CECR2: variants seen among roughly 807,000 people sequenced by gnomAD.
CECR2 encodes chromatin remodeling regulator CECR2.
In CECR2, 30 loss-of-function variants were observed where a neutral mutation model predicts 154.5. That is an observed-to-expected ratio of 0.19 (90% CI 0.15 to 0.26). CECR2 has a LOEUF of 0.26. Ranked by LOEUF, CECR2 falls within the 10% of genes least tolerant of loss-of-function variation. The probability of loss-of-function intolerance (pLI) is 1.00; values close to 1 mark genes in which losing one functional copy is unlikely to be tolerated. For missense variants in CECR2, 1,743 were observed against 1,829.3 expected (o/e 0.95, Z 0.86); for synonymous variants, 725 against 683.7 (o/e 1.06, Z -0.94).
intron 18 of CECR2, 118 bp from the exon 19 acceptor site, chr22:17,552,717 A>G (rs891869224): frequency 1.5e-5 from 15 of 981,494 alleles, no homozygotes; most frequent in Non-Finnish European, 2.2e-5. Flanking sequence ...TAACTGATGA[A>G]ACAGAATCAA....
intron 16 of CECR2, among the ~76,000 whole-genome samples, chr22:17,546,230 G>A (rs903445346): frequency 3.3e-5 from 5 of 152,160 alleles, no homozygotes; most frequent in Non-Finnish European, 7.4e-5. Flanking sequence ...GCTCACGCCT[G>A]TAATCCCAGC....
In CECR2 at chr22:17,439,387, G is replaced by A. The variant is rs116224715; in HGVS notation, c.127-38201G>A. On this transcript the variant is annotated intron_variant, in intron 1 of 18. Coordinates refer to ENST00000262608, the MANE Select transcript of CECR2 (RefSeq NM_001290047.2). ...TAGCTTACTAACCTCCTGTTCTAAG[G>A]CATAAAAAAACATGGACAAGCAACA... Among the ~76,000 whole-genome samples, 543 of 151,738 alleles carry A rather than the reference G, an allele frequency of 3.6e-3. 8 individuals are homozygous for A. The highest frequency in any genetic ancestry group is 0.013 in the African/African-American group (528 of 41,396).
At chr22:17,409,414 G>A (rs1306847122) in intron 1 of CECR2, among the ~76,000 whole-genome samples, 1 of 109,668 alleles carries the variant, frequency 9.1e-6, no homozygotes, top group African/African-American at 3.0e-5. Flanking sequence ...TGTATTTTTA[G>A]TAGAGATGGG....
intron 1 of CECR2, chr22:17,360,149 T>C (rs573710507): frequency 6.6e-6 from 1 of 152,176 alleles, no homozygotes; most frequent in Admixed American, 6.5e-5. Context: ...AGAAACTAAG[T>C]GGAAATAGAA....
At chr22:17,454,793 C>T (rs1216330204) in intron 1 of CECR2, among the ~76,000 whole-genome samples, 1 of 152,168 alleles carries the variant, frequency 6.6e-6, no homozygotes, top group Non-Finnish European at 1.5e-5. Flanking sequence ...GCATACCAAT[C>T]TGACCATTTC....
rs191208009 is a variant in CECR2, at chr22:17,453,503, G to A, written c.127-24085G>A. Among the ~76,000 whole-genome samples the A allele has an allele frequency of 2.0e-5, 3 of 152,254 alleles. No individual in the cohort carries two copies. The East Asian group carries it at 5.8e-4, about 29-fold the overall frequency. On this transcript the variant is annotated intron_variant, in intron 1 of 18. Coordinates refer to ENST00000262608, the MANE Select transcript of CECR2 (RefSeq NM_001290047.2). Reference sequence around the variant, plus strand: ...GTATGTGGATTTGAAAAATTAATAAGTGTTGCCAACTTACCTTAGGGTTTA... The same window carrying A: ...GTATGTGGATTTGAAAAATTAATAAATGTTGCCAACTTACCTTAGGGTTTA...
At chr22:17,437,784 T>C (rs564969335) in intron 1 of CECR2, among the ~76,000 whole-genome samples, 20 of 152,308 alleles carry the variant, frequency 1.3e-4, no homozygotes, top group African/African-American at 4.8e-4. Context: ...CATCACTGCT[T>C]CTTAGCAGGA....
At chr22:17,377,685 G>A (rs1444878054) in intron 1 of CECR2, among the ~76,000 whole-genome samples, 1 of 152,118 alleles carries the variant, frequency 6.6e-6, no homozygotes, top group Non-Finnish European at 1.5e-5. Flanking sequence ...TTTTCAGATG[G>A]CTGCTACCCT....
intron 1 of CECR2, among the ~76,000 whole-genome samples, chr22:17,475,847 T>C (rs1201372866): frequency 1.3e-5 from 2 of 152,100 alleles, no homozygotes; most frequent in African/African-American, 4.8e-5. Context: ...GTTCTCTCAT[T>C]TAGTAAGTCC....
intron 1 of CECR2, among the ~76,000 whole-genome samples, chr22:17,432,867 C>T (rs1217493451): frequency 6.6e-6 from 1 of 152,176 alleles, no homozygotes; most frequent in East Asian, 1.9e-4. Context: ...CAGGTGTGAG[C>T]CAGCTCACCC....
chr22:17,385,507 G>C (rs114527663), intron 1 of CECR2, among the ~76,000 whole-genome samples: 227 of 152,270 alleles, frequency 1.5e-3, no homozygotes, highest in African/African-American at 5.2e-3. Flanking sequence ...CAGAACACAC[G>C]CATTTATCAA....
chr22:17,504,917 C>T lies in CECR2; in HGVS notation c.771C>T (p.Thr257=), dbSNP rs373535489. 67 of 1,613,646 alleles carry T rather than the reference C, an allele frequency of 4.2e-5. No homozygotes were observed. In the Middle Eastern group the frequency reaches 4.9e-4, roughly 12 times the overall value. The change falls in exon 7 of 19, where the codon ACC becomes ACT. Residue 257 remains threonine (T), a synonymous_variant. Coordinates refer to ENST00000262608, the MANE Select transcript of CECR2 (RefSeq NM_001290047.2). ...CAGAAGAGGAATGGAGACAGGTCAC[C>T]GAGAGTTTTCGCGAGAGGACCTCCC... is the stretch of plus-strand genomic sequence containing the variant. ...CQTEEEWRQV[T]ESFRERTSLR... is the part of the protein sequence containing the mutation.
At chr22:17,421,083 G>A (rs1301082849) in intron 1 of CECR2, among the ~76,000 whole-genome samples, 1 of 152,072 alleles carries the variant, frequency 6.6e-6, no homozygotes, top group East Asian at 1.9e-4. Context: ...ACACCCATTA[G>A]CTAAGAATTT....
rs563665188 is a variant in CECR2 at position 17,494,944 on chromosome 22, C to T, written c.222-2459C>T. 5.9e-5 allele frequency among the ~76,000 whole-genome samples: 9 copies of T among 152,292 alleles called. No homozygotes were observed. The East Asian group carries it at 9.7e-4, about 16-fold the overall frequency. ...TCCTGACCTCGTGATCCGCCCACCT[C>T]GGCCTCCCACAGTGCTGGGATTACA... On this transcript the variant is annotated intron_variant, in intron 2 of 18. Transcript: ENST00000262608.
At chr22:17,382,171 T>A (rs1351815840) in intron 1 of CECR2, among the ~76,000 whole-genome samples, 1 of 151,840 alleles carries the variant, frequency 6.6e-6, no homozygotes, top group Non-Finnish European at 1.5e-5. Context: ...ATTACAGGCG[T>A]GAGCCACTGT....
chr22:17,363,562 C>T (rs547882173), intron 1 of CECR2, among the ~76,000 whole-genome samples: 4 of 152,182 alleles, frequency 2.6e-5, no homozygotes, highest in Admixed American at 1.3e-4. Flanking sequence ...AGGCTGGGCT[C>T]GAACTCCTGA....
intron 1 of CECR2, among the ~76,000 whole-genome samples, chr22:17,405,393 C>CG (rs972089414): frequency 1.4e-5 from 2 of 147,494 alleles, no homozygotes; most frequent in African/African-American, 2.5e-5. Flanking sequence ...GCATGGGCAA[C>CG]GAGAGCGAAA....
intron 17 of CECR2, 85 bp from the exon 18 acceptor site, chr22:17,551,946 G>A (rs2056714304): frequency 1.6e-6 from 2 of 1,278,912 alleles, no homozygotes; most frequent in Non-Finnish European, 2.2e-6. Context: ...GATGAAGGCA[G>A]TACCCTCGTG....
intron 1 of CECR2, among the ~76,000 whole-genome samples, chr22:17,421,715 C>A (rs961716395): frequency 5.3e-5 from 8 of 149,930 alleles, no homozygotes; most frequent in East Asian, 1.9e-4. Context: ...ATTGCTTGAA[C>A]CCGGGAGGCA....
Sources: allele counts gnomAD v4.1 joint callset (sites outside exome capture counted in the v4.1 genomes callset), GRCh38; gene constraint gnomAD v4.1.1; transcripts MANE v1.5; gene names NCBI Gene and HGNC (gene_info 2026-07-23, HGNC 2026-07-21).